The following AOAH variants were observed in gnomAD, a reference collection of about 807,000 sequenced individuals.
AOAH encodes acyloxyacyl hydrolase, also known as acyloxyacyl hydrolase (neutrophil).
In AOAH, 64 loss-of-function variants were observed where a neutral mutation model predicts 92.2. That is an observed-to-expected ratio of 0.69 (90% CI 0.57 to 0.86). The LOEUF is 0.86. Ranked by LOEUF, AOAH falls within the 40% of genes least tolerant of loss-of-function variation. The pLI, the probability that AOAH is intolerant of heterozygous loss-of-function variation, is 0.00. For missense variants in AOAH, 656 were observed against 694.6 expected (o/e 0.94, Z 0.62); for synonymous variants, 263 against 254.5 (o/e 1.03, Z -0.32).
intron 12 of AOAH, among the ~76,000 whole-genome samples, chr7:36,580,143 G>A (rs1461966232): frequency 1.3e-5 from 2 of 152,112 alleles, no homozygotes; most frequent in Non-Finnish European, 2.9e-5. Flanking sequence ...AATTCATGAT[G>A]TTCAGTTTTG....
At position 36,598,653 on chromosome 7, in the gene AOAH, C is replaced by G. The variant is rs77702861; in HGVS notation, c.847-4223G>C. On this transcript the variant is annotated intron_variant, in intron 11 of 20. Coordinates refer to ENST00000617537, the MANE Select transcript of AOAH (RefSeq NM_001637.4). ...TTTAAGAGGAGTGACATTTATTTGC[C>G]AGATAATAGAAAAGGTTTGAGCACA... 9.7e-4 allele frequency among the ~76,000 whole-genome samples: 148 copies of G among 152,228 alleles called. No homozygotes were observed. The East Asian group carries it at 0.025, about 25-fold the overall frequency.
chr7:36,631,117 G>A (rs200165627), intron 6 of AOAH, among the ~76,000 whole-genome samples: 2 of 152,078 alleles, frequency 1.3e-5, no homozygotes, highest in East Asian at 1.9e-4. Context: ...AGGCTGAGGT[G>A]GGTGGATCAC....
At chr7:36,561,577 C>T (rs80212787) in intron 13 of AOAH, among the ~76,000 whole-genome samples, 3,736 of 150,152 alleles carry the variant, frequency 0.025, 137 homozygotes, top group African/African-American at 0.084. Flanking sequence ...GCACACGCAT[C>T]GGCTGGGCCC....
chr7:36,623,458 T>C (rs2116104151), intron 6 of AOAH, among the ~76,000 whole-genome samples: 1 of 152,348 alleles, frequency 6.6e-6, no homozygotes, highest in South Asian at 2.1e-4. Context: ...AGAACTGTTT[T>C]CTGTCTGATA....
rs568970027 is a variant in AOAH at position 36,644,881 on chromosome 7, G to A, written c.391-6971C>T. Among the ~76,000 whole-genome samples the A allele has an allele frequency of 1.2e-4, 13 of 110,814 alleles. No homozygotes were observed. The East Asian group carries it at 2.3e-3, about 19-fold the overall frequency. The allele number at this position is 110,814 out of a possible 152,430, so 72.7% of individuals were successfully genotyped here. A position where few individuals can be genotyped will look rare whatever the true frequency, so the allele number is the denominator to read the frequency against. On this transcript the variant is annotated intron_variant, in intron 4 of 20. Coordinates refer to ENST00000617537, the MANE Select transcript of AOAH (RefSeq NM_001637.4). Reference sequence around the variant, plus strand: ...AGTAAAATGATGATTCCAAATGGGCGTTTTTTATTGTCAAAGAGCATGCAT... The same window carrying A: ...AGTAAAATGATGATTCCAAATGGGCATTTTTTATTGTCAAAGAGCATGCAT...
In AOAH at chr7:36,523,632, T is replaced by TTTG. The variant is rs1554363678; in HGVS notation, c.1523-1518_1523-1517insCAA. On this transcript the variant is annotated intron_variant, in intron 19 of 20. Transcript: ENST00000617537. ...GTTTGCCTGGCCTGTTTTGCCTGTTTTTTTTTTTTTTTTTTTTGGCATGTC... is the reference window on the plus strand; with the variant it reads ...GTTTGCCTGGCCTGTTTTGCCTGTTTTTGTTTTTTTTTTTTTTTTTGGCATGTC... 2.9e-5 allele frequency among the ~76,000 whole-genome samples: 4 copies of TTTG among 138,472 alleles called. No individual in the cohort carries two copies. In the East Asian group the frequency reaches 8.3e-4, roughly 29 times the overall value. 90.8% of individuals were successfully genotyped at this position (138,472 alleles called of 152,430 possible).
chr7:36,582,997 A>G (rs1789044163), intron 12 of AOAH, among the ~76,000 whole-genome samples: 1 of 152,106 alleles, frequency 6.6e-6, no homozygotes, highest in Admixed American at 6.5e-5. Flanking sequence ...AGCGCATGCC[A>G]CCATGCCCAG....
At chr7:36,556,502 A>C (rs6973721) in intron 13 of AOAH, among the ~76,000 whole-genome samples, 1 of 150,176 alleles carries the variant, frequency 6.7e-6, no homozygotes, top group African/African-American at 2.5e-5. Flanking sequence ...TATTAGGTCC[A>C]CTTGGTGCAG....
At chr7:36,642,168 T>C (rs1029862278) in intron 4 of AOAH, among the ~76,000 whole-genome samples, 4 of 151,996 alleles carry the variant, frequency 2.6e-5, no homozygotes, top group African/African-American at 9.7e-5. Context: ...GCAAAAGTAA[T>C]TGCGGTTTTG....
At chr7:36,638,274 T>C (rs973875882) in intron 4 of AOAH, among the ~76,000 whole-genome samples, 4 of 152,218 alleles carry the variant, frequency 2.6e-5, no homozygotes, top group Non-Finnish European at 1.5e-5. Context: ...TCTGCTACGC[T>C]GATCTCCATA....
At chr7:36,628,105 A>G (rs568712188) in intron 6 of AOAH, among the ~76,000 whole-genome samples, 1 of 152,190 alleles carries the variant, frequency 6.6e-6, no homozygotes, top group African/African-American at 2.4e-5. Flanking sequence ...CTCAGCTTGG[A>G]GGTGGGGGCA....
At chr7:36,620,670 G>T (rs1792215076) in intron 9 of AOAH, 111 bp downstream of exon 9, 4 of 968,444 alleles carry the variant, frequency 4.1e-6, no homozygotes, top group Admixed American at 4.5e-5. Flanking sequence ...GAAAAGAGTT[G>T]CTTTAGGCTG....
At chr7:36,620,947 C>T (rs775578828) in intron 8 of AOAH, 118 bp from the exon 9 acceptor site, 10 of 889,384 alleles carry the variant, frequency 1.1e-5, no homozygotes, top group Non-Finnish European at 1.8e-5. Context: ...CATGGAGAGA[C>T]AACAGCATTC....
intron 3 of AOAH, among the ~76,000 whole-genome samples, chr7:36,662,930 C>T (rs550714138): frequency 2.6e-5 from 4 of 152,082 alleles, no homozygotes; most frequent in Non-Finnish European, 4.4e-5. Context: ...AAATGCTGAA[C>T]CCCATAAATC....
At chr7:36,538,805 A>G (rs776604570) in intron 16 of AOAH, among the ~76,000 whole-genome samples, 61 of 152,246 alleles carry the variant, frequency 4.0e-4, no homozygotes, top group Non-Finnish European at 1.8e-4. Flanking sequence ...TTGCATGAAC[A>G]GGAAGAATAT....
intron 5 of AOAH, among the ~76,000 whole-genome samples, chr7:36,635,692 C>G (rs192141832): frequency 9.1e-4 from 138 of 152,096 alleles, no homozygotes; most frequent in Non-Finnish European, 1.6e-3. Flanking sequence ...ACTAAGGAGG[C>G]CTTGTTGAAA....
chr7:36,702,751 T>A (rs112016818), intron 1 of AOAH, among the ~76,000 whole-genome samples: 243 of 152,298 alleles, frequency 1.6e-3, no homozygotes, highest in Non-Finnish European at 3.0e-3. Flanking sequence ...ATGTTGTTGG[T>A]TGTTGACTGA....
At chr7:36,515,506 C>CA (rs1783592670) in intron 20 of AOAH, among the ~76,000 whole-genome samples, 7 of 119,678 alleles carry the variant, frequency 5.8e-5, no homozygotes. Context: ...ATCACAAACA[C>CA]ACCCCCAAAC....
chr7:36,573,799 TA>T lies in AOAH; in HGVS notation c.1021+2774del, dbSNP rs1404981467. 5.9e-5 allele frequency among the ~76,000 whole-genome samples: 9 copies of T among 152,316 alleles called. No individual in the cohort carries two copies. In the South Asian group the frequency reaches 1.7e-3, roughly 28 times the overall value. On this transcript the variant is annotated intron_variant, in intron 13 of 20. Transcript: ENST00000617537. ...ATAGACGTTTTTGAGATCTCTTACA[TA>T]AGGATCAGGATGAAAATAGGAGCTG... is the stretch of plus-strand genomic sequence containing the variant.
Sources: gnomAD v4.1 joint callset for allele counts (sites outside exome capture counted in the v4.1 genomes callset) on GRCh38, gnomAD v4.1.1 for gene constraint, MANE v1.5 for transcripts, NCBI Gene and HGNC (gene_info 2026-07-23, HGNC 2026-07-21) for gene names.